The following PID1 variants were observed in gnomAD, a reference collection of about 807,000 sequenced individuals.
The protein encoded by PID1 is phosphotyrosine interaction domain containing 1.
In PID1, 10 loss-of-function variants were observed where a neutral mutation model predicts 19.1. The ratio of observed to expected loss-of-function variants is 0.52; its 90% CI spans 0.32 to 0.89. The LOEUF (loss-of-function observed/expected upper bound fraction) is 0.89, where lower values mean the gene tolerates loss of function less well. Among genes scored for constraint, PID1 ranks in the 40% least tolerant of loss-of-function variants. PID1 has a pLI of 0.03. For missense variants in PID1, 248 were observed against 285.3 expected (o/e 0.87, Z 0.94); for synonymous variants, 130 against 116.0 (o/e 1.12, Z -0.78).
At chr2:229,210,738 C>T (rs1282815415) in intron 1 of PID1, among the ~76,000 whole-genome samples, 2 of 151,970 alleles carry the variant, frequency 1.3e-5, no homozygotes, top group African/African-American at 4.8e-5. Context: ...TAGAAGCCAG[C>T]AGTGAACTTT....
intron 1 of PID1, among the ~76,000 whole-genome samples, chr2:229,224,436 G>C (rs1692035573): frequency 1.3e-5 from 2 of 152,086 alleles, no homozygotes. Flanking sequence ...ATTATCTTTT[G>C]GGTGTCTCTC....
intron 2 of PID1, among the ~76,000 whole-genome samples, chr2:229,027,993 G>C (rs1693463476): frequency 6.6e-6 from 1 of 152,184 alleles, no homozygotes; most frequent in Non-Finnish European, 1.5e-5. Flanking sequence ...GAAGAAAGGT[G>C]GATGGGGAGG....
At chr2:229,227,185 T>G (rs1434885574) in intron 1 of PID1, among the ~76,000 whole-genome samples, 1 of 152,218 alleles carries the variant, frequency 6.6e-6, no homozygotes, top group Non-Finnish European at 1.5e-5. Flanking sequence ...ACTCAGATGA[T>G]CAAACTTATA....
chr2:229,164,183 A>T (rs1342030403), intron 1 of PID1, among the ~76,000 whole-genome samples: 2 of 152,130 alleles, frequency 1.3e-5, no homozygotes, highest in Non-Finnish European at 2.9e-5. Flanking sequence ...TAGTCATTGT[A>T]TGCCTTACCA....
chr2:229,246,056 T>C (rs1689995255), intron 1 of PID1, among the ~76,000 whole-genome samples: 1 of 152,174 alleles, frequency 6.6e-6, no homozygotes, highest in Non-Finnish European at 1.5e-5. Flanking sequence ...CTCTTTTCTG[T>C]AGAAATAAAA....
intron 2 of PID1, among the ~76,000 whole-genome samples, chr2:229,117,774 C>A (rs1239296734): frequency 6.6e-6 from 1 of 152,042 alleles, no homozygotes; most frequent in Non-Finnish European, 1.5e-5. Flanking sequence ...TTTACCTAGA[C>A]CCTTCCTGCT....
intron 2 of PID1, among the ~76,000 whole-genome samples, chr2:229,139,043 AAGAAAGAAAGAAAG>A (rs1689932623): frequency 3.1e-5 from 2 of 63,588 alleles, no homozygotes; most frequent in Non-Finnish European, 7.2e-5. Flanking sequence ...AAGAAAGAGA[AAGAAAGAAAGAAAG>A]AGAAAGAAAG....
In PID1 at chr2:229,138,409, C is replaced by T. The variant is rs144059197; in HGVS notation, c.177+17409G>A. 1.6e-3 allele frequency among the ~76,000 whole-genome samples: 250 copies of T among 152,238 alleles called. 2 individuals carry two copies. Among genetic ancestry groups the T allele is most frequent in the African/African-American group, 5.7e-3 (235 of 41,552 alleles). On this transcript the variant is annotated intron_variant, in intron 2 of 2. Transcript: ENST00000392055. ...TCTTCAATATAGGTACCGAGAACGT[C>T]TTGGAGAAGTCCCTGCGTTCCCTCT...
intron 1 of PID1, among the ~76,000 whole-genome samples, chr2:229,220,406 G>A (rs968487172): frequency 1.3e-5 from 2 of 152,132 alleles, no homozygotes; most frequent in African/African-American, 4.8e-5. Flanking sequence ...CAACTGATGA[G>A]GAAAATGAGT....
chr2:229,033,232 G>A (rs574815585), intron 2 of PID1, among the ~76,000 whole-genome samples: 1 of 152,290 alleles, frequency 6.6e-6, no homozygotes, highest in South Asian at 2.1e-4. Flanking sequence ...GATGGAAGAT[G>A]GGATGGATGA....
intron 2 of PID1, among the ~76,000 whole-genome samples, chr2:229,108,996 G>A (rs564048690): frequency 6.6e-6 from 1 of 152,110 alleles, no homozygotes; most frequent in East Asian, 1.9e-4. Context: ...TGATGACAAG[G>A]TACAGATCAG....
chr2:229,137,766 C>T (rs896018101), intron 2 of PID1, among the ~76,000 whole-genome samples: 2 of 152,176 alleles, frequency 1.3e-5, no homozygotes, highest in Non-Finnish European at 2.9e-5. Flanking sequence ...TAAACCAGCA[C>T]TAAGAGTTAT....
At chr2:229,160,806 G>A (rs1400805574) in intron 1 of PID1, among the ~76,000 whole-genome samples, 2 of 152,178 alleles carry the variant, frequency 1.3e-5, no homozygotes, top group East Asian at 3.9e-4. Flanking sequence ...GAAATAAAAT[G>A]TGGATTGCTT....
intron 2 of PID1, among the ~76,000 whole-genome samples, chr2:229,045,438 C>T (rs184184380): frequency 3.7e-4 from 57 of 152,294 alleles, no homozygotes; most frequent in African/African-American, 1.3e-3. Context: ...ATGCTCTTTC[C>T]TAAGTTAATT....
rs539623590 is a variant in PID1 at position 229,076,912 on chromosome 2, G to C, written c.178-50804C>G. On this transcript the variant is annotated intron_variant, in intron 2 of 2. Transcript: ENST00000392055. ...TTATAAACCTTTGGGTATATACCCAGTAATGGGATTGCTGGGTCAAATGGT... is the reference window on the plus strand; with the variant it reads ...TTATAAACCTTTGGGTATATACCCACTAATGGGATTGCTGGGTCAAATGGT... Among the ~76,000 whole-genome samples, 17 of 152,338 alleles carry C rather than the reference G, an allele frequency of 1.1e-4. No individual in the cohort carries two copies. The East Asian group carries it at 2.9e-3, about 26-fold the overall frequency.
intron 1 of PID1, chr2:229,236,433 A>G (rs1689688392): frequency 6.6e-6 from 1 of 152,092 alleles, no homozygotes. Flanking sequence ...ACTTTAAAGG[A>G]GCAAAGCCAC....
At chr2:229,189,799 C>G (rs895329158) in intron 1 of PID1, among the ~76,000 whole-genome samples, 1 of 152,176 alleles carries the variant, frequency 6.6e-6, no homozygotes, top group Non-Finnish European at 1.5e-5. Context: ...AGAGAGTTAA[C>G]TGGACTTAGC....
At chr2:229,054,719 TGGGGGG>T (rs59290972) in intron 2 of PID1, among the ~76,000 whole-genome samples, 5 of 18,024 alleles carry the variant, frequency 2.8e-4, no homozygotes, top group South Asian at 9.5e-3. Context: ...TGTGTGTGTG[TGGGGGG>T]GGGGGGGGGT....
In PID1 at chr2:229,196,370, C is replaced by T. The variant is rs1022213046; in HGVS notation, c.31-40406G>A. Among the ~76,000 whole-genome samples the T allele has an allele frequency of 3.3e-5, 5 of 152,110 alleles. No homozygotes were observed. In the East Asian group the frequency reaches 5.8e-4, roughly 18 times the overall value. ...TGCCTTCAAAGACTAAAAGTTATCC[C>T]TTTTCAAAAATATTTTTCAAAGATA... On this transcript the variant is annotated intron_variant, in intron 1 of 2. Coordinates refer to ENST00000392055, the MANE Select transcript of PID1 (RefSeq NM_001100818.2).
Sources: allele counts gnomAD v4.1 joint callset (sites outside exome capture counted in the v4.1 genomes callset), GRCh38; gene constraint gnomAD v4.1.1; transcripts MANE v1.5; gene names NCBI Gene and HGNC (gene_info 2026-07-23, HGNC 2026-07-21).